Variants in HEPH observed in about 807,000 individuals in gnomAD.
HEPH encodes hephaestin.
A neutral mutation model predicts 80.8 loss-of-function variants in HEPH; 69 were observed. The ratio of observed to expected loss-of-function variants is 0.85; its 90% CI spans 0.70 to 1.04. The LOEUF (loss-of-function observed/expected upper bound fraction) is 1.04. Among genes scored for constraint, HEPH ranks in the 50% least tolerant of loss-of-function variants. HEPH has a pLI of 0.00. For synonymous variants in HEPH, 431 were observed against 322.8 expected, an observed-to-expected ratio of 1.34 and a Z score of -3.60; for missense variants, 1,115 against 891.3, an observed-to-expected ratio of 1.25 and a Z score of -3.20.
intron 19 of HEPH, among the ~76,000 whole-genome samples, chrX:66,262,952 G>A (rs1451576884): frequency 1.8e-5 from 2 of 111,331 alleles, no homozygotes; most frequent in East Asian, 2.8e-4. Context: ...AATTGGAGTA[G>A]ACATCAAAGT....
chrX:66,211,048 G>C (rs1232525135), intron 15 of HEPH, among the ~76,000 whole-genome samples: 1 of 111,388 alleles, frequency 9.0e-6, no homozygotes, highest in Non-Finnish European at 1.9e-5. Context: ...ACTTGGAAGA[G>C]ACACCTGGGA....
chrX:66,219,095 C>T (rs1319872816), intron 15 of HEPH, among the ~76,000 whole-genome samples: 2 of 111,893 alleles, frequency 1.8e-5, no homozygotes, highest in African/African-American at 3.2e-5. Context: ...CAAGACAGAT[C>T]GATAGTGATT....
chrX:66,214,645 A>G (rs1225665042), intron 15 of HEPH, among the ~76,000 whole-genome samples: 2 of 111,271 alleles, frequency 1.8e-5, no homozygotes, highest in African/African-American at 6.5e-5. Context: ...TCACATTCAA[A>G]TCTGTAATCA....
At chrX:66,180,958 T>C (rs1295099253) in intron 4 of HEPH, among the ~76,000 whole-genome samples, 9 of 101,266 alleles carry the variant, frequency 8.9e-5, no homozygotes, top group Non-Finnish European at 1.8e-4. Flanking sequence ...TTTGGTTTTT[T>C]TGTTCTTGCG....
rs1164328609 is a variant in HEPH at position 66,164,398 on chromosome X, A to G, written c.-86A>G. The G allele has an allele frequency of 8.0e-6, 6 of 751,645 alleles. No homozygotes were observed. Among genetic ancestry groups the G allele is most frequent in the Non-Finnish European group, 9.4e-6 (6 of 638,294 alleles). The allele number at this position is 751,645 out of a possible 1,213,427, so 61.9% of individuals were successfully genotyped here. ...GATACTGACTGAACATGGCTGGCGG[A>G]CTCAGGCTGGGGTCTGCAGTGCAGC... On this transcript the variant is annotated 5_prime_UTR_variant, in exon 1 of 21. Transcript: ENST00000343002.
intron 15 of HEPH, among the ~76,000 whole-genome samples, chrX:66,246,609 G>T (rs2090818726): frequency 9.0e-6 from 1 of 111,047 alleles, no homozygotes; most frequent in South Asian, 3.8e-4. Flanking sequence ...TGGGGGCCAG[G>T]GTGATTCTGC....
Position 66,203,382 on chromosome X carries a change from G to T in HEPH, c.2096G>T (p.Cys699Phe). 1 of 1,209,766 alleles carries T rather than the reference G, an allele frequency of 8.3e-7. No individual in the cohort carries two copies. The highest frequency in any genetic ancestry group is 2.6e-4 in the Middle Eastern group (1 of 3,829). Reference sequence around the variant, plus strand: ...CCCTCAGGGACATTTGAGATTTATTGCCAGGCAGGCAGCCATCGAGAAGCA... The same window carrying T: ...CCCTCAGGGACATTTGAGATTTATTTCCAGGCAGGCAGCCATCGAGAAGCA... ...PDNLGTFEIYCQAGSHREAGM... is the reference protein window; with the variant it reads ...PDNLGTFEIYFQAGSHREAGM... Residue 699 changes from cysteine (C) to phenylalanine (F), a missense_variant, in exon 13 of 21, where the codon TGC becomes TTC. Transcript: ENST00000343002.
rs755405299 is a variant in HEPH, at chrX:66,263,583, G to A, written c.3200-61G>A. The A allele has an allele frequency of 6.6e-5, 74 of 1,125,725 alleles. 1 individual carries two copies. In the South Asian group the frequency reaches 1.3e-3, roughly 20 times the overall value. The allele number at this position is 1,125,725 out of a possible 1,213,427, so 92.8% of individuals were successfully genotyped here. On this transcript the variant is annotated intron_variant, in intron 19 of 20. Coordinates refer to ENST00000343002, the MANE Select transcript of HEPH (RefSeq NM_001367233.3). The stretch of plus-strand genomic sequence containing the variant: ...AACCAATGTTGACCTTTCATAGGGG[G>A]CCTATGGATTGGTAGGAAGAACAAT...
At chrX:66,225,103 C>G (rs2089823173) in intron 15 of HEPH, among the ~76,000 whole-genome samples, 1 of 111,290 alleles carries the variant, frequency 9.0e-6, no homozygotes, top group Non-Finnish European at 1.9e-5. Context: ...TTGTGCCATA[C>G]CTTTGAAACA....
At chrX:66,228,757 A>T (rs1487647194) in intron 15 of HEPH, among the ~76,000 whole-genome samples, 9 of 112,574 alleles carry the variant, frequency 8.0e-5, no homozygotes, top group South Asian at 7.3e-4. Flanking sequence ...ACAAATGGCC[A>T]AAAACATATG....
Position 66,203,502 on chromosome X carries a change from C to CAGA in HEPH, c.2222_2224dup (p.Glu741dup). 2 of 1,211,529 alleles carry CAGA rather than the reference C, an allele frequency of 1.7e-6. No individual in the cohort carries two copies. The highest frequency in any genetic ancestry group is 2.2e-6 in the Non-Finnish European group (2 of 895,274). ...GCTGCAAGAATCTACTATATCATGG[C>CAGA]AGAAGAAGTAGAGTGGGACTATTGC... On this transcript the variant is annotated inframe_insertion, in exon 13 of 21. Coordinates refer to ENST00000343002, the MANE Select transcript of HEPH (RefSeq NM_001367233.3).
rs768071642 is a variant in HEPH at position 66,180,307 on chromosome X, G to A, written c.625+6506G>A. On this transcript the variant is annotated intron_variant, in intron 4 of 20. Transcript: ENST00000343002. ...GTTCTTGTAGTGGTGGCTTGGTAGT[G>A]GCAAATTCTCTCAGCGTATGTTTGT... Among the ~76,000 whole-genome samples, 7 of 111,025 alleles carry A rather than the reference G, an allele frequency of 6.3e-5. No individual in the cohort carries two copies. In the East Asian group the frequency reaches 2.0e-3, roughly 31 times the overall value.
intron 15 of HEPH, among the ~76,000 whole-genome samples, chrX:66,230,594 A>G (rs1163570440): frequency 5.0e-5 from 5 of 99,059 alleles, no homozygotes; most frequent in Non-Finnish European, 1.0e-4. Flanking sequence ...GTGTCTGTTC[A>G]TGTCCTTCGC....
At chrX:66,220,542 C>T (rs2089600878) in intron 15 of HEPH, among the ~76,000 whole-genome samples, 1 of 111,594 alleles carries the variant, frequency 9.0e-6, no homozygotes, top group Non-Finnish European at 1.9e-5. Flanking sequence ...TATTTTTTAT[C>T]CAAGTAGCCT....
At chrX:66,254,972 G>C in intron 15 of HEPH, 63 bp from the exon 16 acceptor site, 1 of 695,461 alleles carries the variant, frequency 1.4e-6, no homozygotes, top group Non-Finnish European at 2.2e-6. Context: ...CTCTTGGGGA[G>C]ACCTGGGAGT....
chrX:66,232,262 G>A (rs1005076297), intron 15 of HEPH, among the ~76,000 whole-genome samples: 15 of 110,852 alleles, frequency 1.4e-4, no homozygotes, highest in Admixed American at 3.8e-4. Flanking sequence ...GTCTCTGCCC[G>A]GCTTTGGTAT....
chrX:66,244,280 C>T (rs1259443388), intron 15 of HEPH, among the ~76,000 whole-genome samples: 14 of 111,667 alleles, frequency 1.3e-4, no homozygotes, highest in African/African-American at 6.5e-5. Context: ...AAGTTGTTTG[C>T]TCTCTCTCTT....
intron 18 of HEPH, 104 bp from the exon 19 acceptor site, chrX:66,259,996 C>T (rs1480627578): frequency 1.5e-6 from 1 of 646,377 alleles, no homozygotes; most frequent in Non-Finnish European, 2.4e-6. Context: ...ACCTTGAAGT[C>T]TCAGCTCCCT....
At chrX:66,264,956 C>T (rs1262457928) in intron 20 of HEPH, among the ~76,000 whole-genome samples, 2 of 108,268 alleles carry the variant, frequency 1.8e-5, no homozygotes, top group Non-Finnish European at 3.8e-5. Flanking sequence ...TCCTCATAAG[C>T]TCTCATTTGT....
Sources: gnomAD v4.1 joint callset for allele counts (sites outside exome capture counted in the v4.1 genomes callset) on GRCh38, gnomAD v4.1.1 for gene constraint, MANE v1.5 for transcripts, NCBI Gene and HGNC (gene_info 2026-07-23, HGNC 2026-07-21) for gene names.